The following RIPOR3 variants were observed in gnomAD, a reference collection of about 807,000 sequenced individuals.
RIPOR3 encodes the protein family with sequence similarity 65 member C.
A neutral mutation model predicts 114.3 loss-of-function variants in RIPOR3; 95 were observed. The ratio of observed to expected loss-of-function variants is 0.83; its 90% CI spans 0.70 to 0.99. RIPOR3 has a LOEUF of 0.99. RIPOR3 is among the 50% of genes least tolerant of loss of function. The pLI is 0.00. For missense variants in RIPOR3, 1,252 were observed against 1,266.9 expected (o/e 0.99, Z 0.18); for synonymous variants, 575 against 543.8 (o/e 1.06, Z -0.80).
intron 13 of RIPOR3, among the ~76,000 whole-genome samples, chr20:50,600,804 CTTAAAT>C (rs1250362541): frequency 1.3e-5 from 2 of 152,166 alleles, no homozygotes; most frequent in Non-Finnish European, 2.9e-5. Flanking sequence ...GACATTATTT[CTTAAAT>C]TTTTTTCTGG....
chr20:50,595,626 G>C, intron 15 of RIPOR3, 122 bp from the exon 16 acceptor site: 1 of 1,342,444 alleles, frequency 7.4e-7, no homozygotes, highest in South Asian at 1.4e-5. Flanking sequence ...CTCCCTGACT[G>C]TCATTTGGGG....
chr20:50,647,715 C>T (rs2085461157), intron 1 of RIPOR3, among the ~76,000 whole-genome samples: 1 of 151,406 alleles, frequency 6.6e-6, no homozygotes, highest in Non-Finnish European at 1.5e-5. Context: ...ATCTCCTGAC[C>T]TCGTGATCCA....
At chr20:50,626,042 C>G (rs1177516741) in intron 2 of RIPOR3, among the ~76,000 whole-genome samples, 1 of 152,228 alleles carries the variant, frequency 6.6e-6, no homozygotes, top group Non-Finnish European at 1.5e-5. Flanking sequence ...CATGCAGAGC[C>G]CTGCCCTCCT....
At chr20:50,644,850 T>TA (rs1555861548) in intron 1 of RIPOR3, among the ~76,000 whole-genome samples, 5 of 150,568 alleles carry the variant, frequency 3.3e-5, no homozygotes, top group East Asian at 3.9e-4. Flanking sequence ...TTTTATTTTT[T>TA]TTTTTTGAGA....
At chr20:50,662,846 A>G (rs1055611829) in intron 1 of RIPOR3, among the ~76,000 whole-genome samples, 2 of 152,146 alleles carry the variant, frequency 1.3e-5, no homozygotes, top group East Asian at 3.9e-4. Flanking sequence ...TGTAATCCCA[A>G]CACTTGGGGA....
At position 50,594,624 on chromosome 20, in the gene RIPOR3, G is replaced by A. The variant is rs201691968; in HGVS notation, c.2141C>T (p.Thr714Met). 5.0e-5 allele frequency: 80 copies of A among 1,613,846 alleles called. 1 individual carries two copies. In the Middle Eastern group the frequency reaches 2.3e-3, roughly 46 times the overall value. ...GGTTTTCTTGAGCTGGTTCAGCAGCGTCGTGGCAGGGCAGGACAGGACCCT... is the reference window on the plus strand; with the variant it reads ...GGTTTTCTTGAGCTGGTTCAGCAGCATCGTGGCAGGGCAGGACAGGACCCT... ...PGRVLSCPAT[T>M]LLNQLKKTFQ... Residue 714 changes from threonine to methionine, a missense_variant, in exon 17 of 22, where the codon ACG (threonine) becomes ATG (methionine). By Grantham distance (81) the Thr-to-Met change is moderately conservative. Coordinates refer to ENST00000327979, the MANE Select transcript of RIPOR3 (RefSeq NM_001290268.2).
chr20:50,607,242 T>A (rs2083756365), intron 11 of RIPOR3, among the ~76,000 whole-genome samples: 1 of 152,098 alleles, frequency 6.6e-6, no homozygotes, highest in Non-Finnish European at 1.5e-5. Context: ...TCAGACCCCT[T>A]GTCTGTAAAA....
chr20:50,660,876 C>A (rs528197381), intron 1 of RIPOR3, among the ~76,000 whole-genome samples: 1 of 150,872 alleles, frequency 6.6e-6, no homozygotes, highest in Admixed American at 6.6e-5. Context: ...CACCTCAGCA[C>A]CCCCCACCTA....
In RIPOR3 at chr20:50,602,086, G is replaced by T. The variant is rs577488890; in HGVS notation, c.1645C>A (p.Arg549=). The T allele has an allele frequency of 2.5e-6, 4 of 1,571,284 alleles. No homozygotes were observed. Among genetic ancestry groups the T allele is most frequent in the Admixed American group, 1.9e-5 (1 of 53,978 alleles). ...RELEYQVLGF[R]DRLKPCRARQ... Reference sequence around the variant, plus strand: ...GGTGGCCATACCTTCAGCCGGTCCCGGAAGCCGAGGACCTGGTACTCCAGC... The same window carrying T: ...GGTGGCCATACCTTCAGCCGGTCCCTGAAGCCGAGGACCTGGTACTCCAGC... Residue 549 remains arginine, a synonymous_variant, in exon 13 of 22, where the codon CGG becomes AGG. Coordinates refer to ENST00000327979, the MANE Select transcript of RIPOR3 (RefSeq NM_001290268.2). This position sits in a 1 kb window ranked among gnomAD's most constrained non-coding sequence, Gnocchi z 4.3.
At chr20:50,606,033 ATC>A (rs2083700888) in intron 11 of RIPOR3, among the ~76,000 whole-genome samples, 1 of 152,122 alleles carries the variant, frequency 6.6e-6, no homozygotes. Flanking sequence ...GCGAAACCCC[ATC>A]TCTCCTAAAA....
intron 20 of RIPOR3, among the ~76,000 whole-genome samples, chr20:50,589,203 C>A (rs6020616): frequency 0.017 from 2,505 of 151,452 alleles, 27 homozygotes; most frequent in East Asian, 0.051. Flanking sequence ...AATGCTCACA[C>A]ACACCCACAA....
chr20:50,659,540 G>A (rs2085925844), intron 1 of RIPOR3, among the ~76,000 whole-genome samples: 2 of 151,486 alleles, frequency 1.3e-5, no homozygotes, highest in South Asian at 2.1e-4. Context: ...CCAGCTACTC[G>A]GGAGGCTGAG....
chr20:50,656,699 C>A (rs1042407408), intron 1 of RIPOR3, among the ~76,000 whole-genome samples: 1 of 152,058 alleles, frequency 6.6e-6, no homozygotes, highest in African/African-American at 2.4e-5. Context: ...GGGGTTTCAT[C>A]GTGTTGGTCA....
At position 50,596,153 on chromosome 20, in the gene RIPOR3, T is replaced by A. The variant is rs2083280544; in HGVS notation, c.1901A>T (p.Lys634Ile). 1 of 1,614,030 alleles carries A rather than the reference T, an allele frequency of 6.2e-7. No individual in the cohort carries two copies. Among genetic ancestry groups the A allele is most frequent in the African/African-American group, 1.3e-5 (1 of 74,918 alleles). ...TAGCCCAGCCACCTGCAGCAGAGCT[T>A]TGCAGACTTGGAGGTGTACCATCAG... is the stretch of plus-strand genomic sequence containing the variant. ...VLLMVHLQVC[K>I]ALLQKLASPN... The change falls in exon 15 of 22, where the codon AAA becomes ATA. Residue 634 changes from lysine to isoleucine, a missense_variant. Transcript: ENST00000327979.
intron 1 of RIPOR3, among the ~76,000 whole-genome samples, chr20:50,636,015 G>A (rs1419742916): frequency 6.6e-6 from 1 of 152,242 alleles, no homozygotes; most frequent in Non-Finnish European, 1.5e-5. Context: ...TGCAGCCCCA[G>A]CCCCTGTGGG....
At chr20:50,622,272 C>G (rs1214167801) in intron 2 of RIPOR3, among the ~76,000 whole-genome samples, 1 of 151,652 alleles carries the variant, frequency 6.6e-6, no homozygotes, top group African/African-American at 2.4e-5. Flanking sequence ...ACCTCCACCT[C>G]CTGGGTTCAA....
chr20:50,661,242 T>TAAA (rs201768087), intron 1 of RIPOR3, among the ~76,000 whole-genome samples: 1 of 145,280 alleles, frequency 6.9e-6, no homozygotes, highest in Non-Finnish European at 1.5e-5. Context: ...TCTTAAAAAA[T>TAAA]AAAAAAAAAA....
chr20:50,620,253 C>G, intron 2 of RIPOR3, 121 bp from the exon 3 acceptor site: 1 of 1,191,952 alleles, frequency 8.4e-7, no homozygotes, highest in South Asian at 1.4e-5. Context: ...CCGGCTCAGT[C>G]CCACCCCCAT....
Position 50,630,753 on chromosome 20 carries a change from T to C in RIPOR3, c.107A>G (p.Gln36Arg), listed in dbSNP as rs754530233. 8.8e-5 allele frequency: 142 copies of C among 1,611,058 alleles called. No homozygotes were observed. Among genetic ancestry groups the C allele is most frequent in the Non-Finnish European group, 9.7e-5 (114 of 1,179,022 alleles). The part of the protein sequence containing the change: ...SASFAGFSSA[Q>R]SRRIAKSINR... ...GGGAACTTACGCGATCCTCCGGCTC[T>C]GTGCACTGCTGAAGCCTGCGAAGGA... Residue 36 changes from glutamine to arginine, a missense_variant, in exon 2 of 22, where the codon CAG becomes CGG. Physicochemically the swap from Gln to Arg is conservative, Grantham distance 43 (BLOSUM62 1). Transcript: ENST00000327979.
Sources: allele counts gnomAD v4.1 joint callset (sites outside exome capture counted in the v4.1 genomes callset), GRCh38; gene constraint gnomAD v4.1.1; non-coding constraint Gnocchi (gnomAD v3.1); transcripts MANE v1.5; gene names NCBI Gene and HGNC (gene_info 2026-07-23, HGNC 2026-07-21).